The following MXD4 variants were observed in gnomAD, a reference collection of about 807,000 sequenced individuals.
MXD4 encodes Mad4 homolog.
MXD4 carries 16 observed loss-of-function variants against 24.5 expected under a neutral mutation model. The ratio of observed to expected loss-of-function variants is 0.65; its 90% confidence interval spans 0.44 to 0.99. The LOEUF (loss-of-function observed/expected upper bound fraction) is 0.99, where lower values mean the gene tolerates loss of function less well. Ranked by LOEUF, MXD4 falls within the 50% of genes least tolerant of loss-of-function variation. The pLI is 0.00. For synonymous variants in MXD4, 164 were observed against 134.2 expected, an observed-to-expected ratio of 1.22 and a Z score of -1.54; for missense variants, 301 against 301.5, an observed-to-expected ratio of 1.00 and a Z score of 0.01.
chr4:2,261,182 T>C (rs529496198), intron 2 of MXD4, among the ~76,000 whole-genome samples: 1 of 151,436 alleles, frequency 6.6e-6, no homozygotes, highest in South Asian at 2.1e-4. Context: ...CTGGGAGGAG[T>C]GAGGGCCCAG....
At chr4:2,258,134 T>C in intron 2 of MXD4, 123 bp from the exon 3 acceptor site, 2 of 1,240,358 alleles carry the variant, frequency 1.6e-6, no homozygotes, top group Non-Finnish European at 2.3e-6. Context: ...GGTCCTGGAA[T>C]GGCCCAGAGC....
Position 2,250,532 on chromosome 4 carries a change from G to C in MXD4, c.*12C>G. On this transcript the variant is annotated 3_prime_UTR_variant, in exon 6 of 6. Coordinates refer to ENST00000337190, the MANE Select transcript of MXD4 (RefSeq NM_006454.3). ...TGGCGGGCAGGCAGGCCAAGGAGCAGAGGGCACGGGCCTACGAGAGGGCGG... is the reference window on the plus strand; with the variant it reads ...TGGCGGGCAGGCAGGCCAAGGAGCACAGGGCACGGGCCTACGAGAGGGCGG... 1 of 1,561,274 alleles carries C rather than the reference G, an allele frequency of 6.4e-7. No individual in the cohort carries two copies. The highest frequency in any genetic ancestry group is 1.2e-5 in the South Asian group (1 of 85,976).
rs1241356412 is a variant in MXD4 at position 2,248,953 on chromosome 4, G to A, written c.*1591C>T. The A allele has an allele frequency of 6.6e-6, 1 of 152,344 alleles. No individual in the cohort carries two copies. Among genetic ancestry groups the A allele is most frequent in the African/African-American group, 2.4e-5 (1 of 41,462 alleles). 9.4% of individuals were successfully genotyped at this position (152,344 alleles called of 1,614,324 possible). On this transcript the variant is annotated 3_prime_UTR_variant, in exon 6 of 6. Transcript: ENST00000337190. ...CGAGCACAGTCTTCATTGGCTGCCA[G>A]TGTCTGAAACCTGGAACCCTCGCCT... is the stretch of plus-strand genomic sequence containing the variant.
At chr4:2,256,335 G>C (rs1265374728) in intron 3 of MXD4, among the ~76,000 whole-genome samples, 1 of 152,234 alleles carries the variant, frequency 6.6e-6, no homozygotes, top group East Asian at 1.9e-4. Context: ...GGCAGGCTTG[G>C]CTCAGAGCAC....
chr4:2,254,781 CAAG>C (rs898089578), intron 3 of MXD4: 10 of 156,190 alleles, frequency 6.4e-5, no homozygotes, highest in African/African-American at 2.4e-4. Flanking sequence ...CACACACAAA[CAAG>C]GAGGTACAAC....
intron 3 of MXD4, among the ~76,000 whole-genome samples, chr4:2,256,380 C>T (rs1449847371): frequency 6.6e-6 from 1 of 152,208 alleles, no homozygotes; most frequent in Non-Finnish European, 1.5e-5. Context: ...TGCCCAGTCC[C>T]CAGTAAGGGG....
At chr4:2,257,107 C>T (rs960935691) in intron 3 of MXD4, among the ~76,000 whole-genome samples, 3 of 152,346 alleles carry the variant, frequency 2.0e-5, no homozygotes, top group African/African-American at 7.2e-5. Flanking sequence ...CCGCCCCAGC[C>T]AGCGGCCTGA....
At chr4:2,258,930 G>A (rs895709646) in intron 2 of MXD4, 4 of 456,038 alleles carry the variant, frequency 8.8e-6, no homozygotes, top group African/African-American at 2.0e-5. Context: ...CAGCACCACA[G>A]GGTGTGCCAC....
rs1560111390 is a variant in MXD4, at chr4:2,248,789, A to T, written c.*1755T>A. The T allele has an allele frequency of 6.6e-6, 1 of 152,200 alleles. No homozygotes were observed. Among genetic ancestry groups the T allele is most frequent in the Non-Finnish European group, 1.5e-5 (1 of 68,050 alleles). 9.4% of individuals were successfully genotyped at this position (152,200 alleles called of 1,614,324 possible). On this transcript the variant is annotated 3_prime_UTR_variant, in exon 6 of 6. Coordinates refer to ENST00000337190, the MANE Select transcript of MXD4 (RefSeq NM_006454.3). ...TGCGTACGACTGAAAATAGACACGA[A>T]TTTTCCCCATGATATGGGAATTGGC...
At position 2,248,638 on chromosome 4, in the gene MXD4, A is replaced by G. The variant is rs964644488; in HGVS notation, c.*1906T>C. On this transcript the variant is annotated 3_prime_UTR_variant, in exon 6 of 6. Transcript: ENST00000337190. ...GACAGGCCTCCTCACAACCACCCGC[A>G]ACGCGTTCGGATGCCCCTCAGCTCC... The G allele has an allele frequency of 1.3e-5, 2 of 152,276 alleles. No homozygotes were observed. Among genetic ancestry groups the G allele is most frequent in the African/African-American group, 2.4e-5 (1 of 41,434 alleles). The allele number at this position is 152,276 out of a possible 1,614,324, so 9.4% of individuals were successfully genotyped here.
chr4:2,257,872 C>T lies in MXD4; in HGVS notation c.194+110G>A, dbSNP rs558954945. 60 of 1,400,146 alleles carry T rather than the reference C, an allele frequency of 4.3e-5. No homozygotes were observed. The African/African-American group carries it at 6.8e-4, about 16-fold the overall frequency. The allele number at this position is 1,400,146 out of a possible 1,614,324, so 86.7% of individuals were successfully genotyped here. ...TTCCCAAGACAAGGACACAGCCTGG[C>T]AGCACGGCTGGCCGTGCCCGGGACA... On this transcript the variant is annotated intron_variant, in intron 3 of 5. Transcript: ENST00000337190.
chr4:2,257,253 G>A (rs1735449952), intron 3 of MXD4, among the ~76,000 whole-genome samples: 1 of 152,202 alleles, frequency 6.6e-6, no homozygotes, highest in South Asian at 2.1e-4. Context: ...CACTAGGAAG[G>A]GAGGACAGAG....
chr4:2,255,442 G>T (rs147109358), intron 3 of MXD4: 2 of 454,786 alleles, frequency 4.4e-6, no homozygotes, highest in African/African-American at 4.0e-5. Context: ...GAGTGTGGGC[G>T]CCAGGGCTGG....
Position 2,248,151 on chromosome 4 carries a change from TG to T in MXD4, c.*2392del, listed in dbSNP as rs1180926242. ...AGCAGTGGGAGGTTGGAGCATGTGG[TG>T]ACTCCTAGCACGGGCCCCCACCCAG... On this transcript the variant is annotated 3_prime_UTR_variant, in exon 6 of 6. Coordinates refer to ENST00000337190, the MANE Select transcript of MXD4 (RefSeq NM_006454.3). 2.0e-5 allele frequency: 3 copies of T among 152,554 alleles called. No homozygotes were observed. The highest frequency in any genetic ancestry group is 4.4e-5 in the Non-Finnish European group (3 of 68,288). The allele number at this position is 152,554 out of a possible 1,614,324, so 9.5% of individuals were successfully genotyped here. A position where few individuals can be genotyped will look rare whatever the true frequency, so the allele number is the denominator to read the frequency against.
At chr4:2,256,188 G>T (rs1195917161) in intron 3 of MXD4, among the ~76,000 whole-genome samples, 2 of 152,210 alleles carry the variant, frequency 1.3e-5, no homozygotes, top group African/African-American at 4.8e-5. Flanking sequence ...AACACACTAA[G>T]ATCAGAGCCT....
chr4:2,250,421 G>T lies in MXD4; in HGVS notation c.*123C>A. 7.9e-7 allele frequency: 1 copy of T among 1,269,812 alleles called. No homozygotes were observed. The highest frequency in any genetic ancestry group is 1.1e-6 in the Non-Finnish European group (1 of 949,326). 78.7% of individuals were successfully genotyped at this position (1,269,812 alleles called of 1,614,324 possible). ...GGCAGTGCCAGGCAGCCCAGCAGCA[G>T]CTGGAGCTTCCAGAATGGCACAGCA... On this transcript the variant is annotated 3_prime_UTR_variant, in exon 6 of 6. Coordinates refer to ENST00000337190, the MANE Select transcript of MXD4 (RefSeq NM_006454.3).
At chr4:2,255,279 GC>G (rs1293962677) in intron 3 of MXD4, 6 of 455,806 alleles carry the variant, frequency 1.3e-5, no homozygotes, top group Non-Finnish European at 2.6e-5. Context: ...GCCTCTGAGT[GC>G]CTGGGATGCG....
At position 2,250,709 on chromosome 4, in the gene MXD4, G is replaced by C; in HGVS notation, c.473-8C>G. ...TGCCCTCTATGTCCACTTCTAGGGA[G>C]AATAGAGTGGGGATGGGGTCAGGCC... On this transcript the variant is annotated splice_region_variant and splice_polypyrimidine_tract_variant and intron_variant, in intron 5 of 5. Coordinates refer to ENST00000337190, the MANE Select transcript of MXD4 (RefSeq NM_006454.3). 6.2e-7 allele frequency: 1 copy of C among 1,611,426 alleles called. No individual in the cohort carries two copies. Among genetic ancestry groups the C allele is most frequent in the Non-Finnish European group, 8.5e-7 (1 of 1,178,704 alleles).
In MXD4 at chr4:2,250,544, C is replaced by G; in HGVS notation, c.630G>C (p.Ter210TyrextTer85). ...CRRLGRPALS[*>Y] ...AGGCCAAGGAGCAGAGGGCACGGGC[C>G]TACGAGAGGGCGGGGCGGCCCAGCC... is the stretch of plus-strand genomic sequence containing the variant. The change falls in exon 6 of 6, where the codon TAG becomes TAC. Residue 210 changes from the stop codon to tyrosine (Y), a stop_lost. Transcript: ENST00000337190. 1 of 1,579,274 alleles carries G rather than the reference C, an allele frequency of 6.3e-7. No individual in the cohort carries two copies. Among genetic ancestry groups the G allele is most frequent in the Non-Finnish European group, 8.6e-7 (1 of 1,163,486 alleles).
Sources: allele counts gnomAD v4.1 joint callset (sites outside exome capture counted in the v4.1 genomes callset), GRCh38; gene constraint gnomAD v4.1.1; transcripts MANE v1.5; gene names NCBI Gene and HGNC (gene_info 2026-07-23, HGNC 2026-07-21).